The following GRM1 variants were observed in gnomAD, a reference collection of about 807,000 sequenced individuals.
The protein encoded by GRM1 is metabotropic glutamate receptor 1.
GRM1 carries 33 observed loss-of-function variants against 90.9 expected under a neutral mutation model. That is an observed-to-expected ratio of 0.36 (90% CI 0.28 to 0.49). The LOEUF (loss-of-function observed/expected upper bound fraction) is 0.49, where lower values mean the gene tolerates loss of function less well. Ranked by LOEUF, GRM1 falls within the 20% of genes least tolerant of loss-of-function variation. GRM1 has a pLI of 0.99. For synonymous variants in GRM1, 700 were observed against 613.2 expected (o/e 1.14, Z -2.09); for missense variants, 1,190 against 1,534.3 (o/e 0.78, Z 3.75).
rs560926934 is a variant in GRM1 at position 146,231,845 on chromosome 6, A to T, written c.950+72248A>T. ...TAATTTATTGAGGTTTTACATCTATATTCATGAGGGAAATAGGTCTGAAAT... is the reference window on the plus strand; with the variant it reads ...TAATTTATTGAGGTTTTACATCTATTTTCATGAGGGAAATAGGTCTGAAAT... On this transcript the variant is annotated intron_variant, in intron 2 of 7. Coordinates refer to ENST00000282753, the MANE Select transcript of GRM1 (RefSeq NM_001278064.2). Among the ~76,000 whole-genome samples, 5 of 149,324 alleles carry T rather than the reference A, an allele frequency of 3.3e-5. No individual in the cohort carries two copies. In the East Asian group the frequency reaches 7.8e-4, roughly 23 times the overall value.
intron 1 of GRM1, among the ~76,000 whole-genome samples, chr6:146,064,313 A>C (rs150828809): frequency 4.6e-5 from 7 of 152,328 alleles, no homozygotes; most frequent in African/African-American, 1.7e-4. Context: ...AAGTTGAACA[A>C]TAGAACTATT....
intron 1 of GRM1, among the ~76,000 whole-genome samples, chr6:146,128,327 T>C (rs372326312): frequency 6.6e-6 from 1 of 152,136 alleles, no homozygotes; most frequent in Non-Finnish European, 1.5e-5. Flanking sequence ...TAATAGGATA[T>C]GTTTATCAAG....
chr6:146,103,764 T>A (rs1777128927), intron 1 of GRM1, among the ~76,000 whole-genome samples: 1 of 152,154 alleles, frequency 6.6e-6, no homozygotes, highest in Non-Finnish European at 1.5e-5. Context: ...CATTTACACA[T>A]CCTTCTCAGG....
chr6:146,373,802 C>G (rs189601007), intron 5 of GRM1, among the ~76,000 whole-genome samples: 153 of 152,196 alleles, frequency 1.0e-3, no homozygotes, highest in African/African-American at 3.5e-3. Flanking sequence ...ATCATATCAT[C>G]TACAAACAAG....
At chr6:146,151,330 A>T (rs1463693361) in intron 1 of GRM1, among the ~76,000 whole-genome samples, 1 of 152,250 alleles carries the variant, frequency 6.6e-6, no homozygotes, top group African/African-American at 2.4e-5. Context: ...ATGTGTAAAT[A>T]TGCAGGAATG....
At chr6:146,259,994 G>C (rs961894253) in intron 2 of GRM1, among the ~76,000 whole-genome samples, 2 of 147,740 alleles carry the variant, frequency 1.4e-5, no homozygotes, top group Non-Finnish European at 3.0e-5. Flanking sequence ...ATATATGTTA[G>C]TGACACTATT....
intron 1 of GRM1, among the ~76,000 whole-genome samples, chr6:146,140,379 G>A (rs752957432): frequency 3.3e-5 from 5 of 151,774 alleles, no homozygotes; most frequent in Non-Finnish European, 5.9e-5. Context: ...AGTGATTCTT[G>A]TGCCTTAACC....
At position 146,241,507 on chromosome 6, in the gene GRM1, A is replaced by G. The variant is rs561761447; in HGVS notation, c.951-63104A>G. Reference sequence around the variant, plus strand: ...ATGATACATGTATTTATTTTTGTAAATGATGGTCTCCATACACTCAGCACT... The same window carrying G: ...ATGATACATGTATTTATTTTTGTAAGTGATGGTCTCCATACACTCAGCACT... On this transcript the variant is annotated intron_variant, in intron 2 of 7. Coordinates refer to ENST00000282753, the MANE Select transcript of GRM1 (RefSeq NM_001278064.2). 2.6e-5 allele frequency among the ~76,000 whole-genome samples: 4 copies of G among 152,196 alleles called. No homozygotes were observed. In the East Asian group the frequency reaches 7.7e-4, roughly 29 times the overall value.
intron 5 of GRM1, among the ~76,000 whole-genome samples, chr6:146,362,563 C>T (rs925210419): frequency 2.7e-5 from 4 of 147,602 alleles, no homozygotes; most frequent in Non-Finnish European, 5.9e-5. Flanking sequence ...CCTGTAATCA[C>T]AGCTACTCAG....
rs576952397 is a variant in GRM1, at chr6:146,130,877, T to A, written c.701-28471T>A. ...ATGCACGAAAATTTATCTACCATCA[T>A]GAGTCTTCAACCTTCTTTGTTAAGT... On this transcript the variant is annotated intron_variant, in intron 1 of 7. Coordinates refer to ENST00000282753, the MANE Select transcript of GRM1 (RefSeq NM_001278064.2). Among the ~76,000 whole-genome samples the A allele has an allele frequency of 4.8e-4, 73 of 152,310 alleles. 1 individual carries two copies. In the South Asian group the frequency reaches 0.014, roughly 29 times the overall value.
chr6:146,383,641 T>C (rs1776398606), intron 5 of GRM1, among the ~76,000 whole-genome samples: 1 of 152,152 alleles, frequency 6.6e-6, no homozygotes, highest in South Asian at 2.1e-4. Flanking sequence ...GCTGAAAATA[T>C]TCTGTCATTT....
intron 2 of GRM1, among the ~76,000 whole-genome samples, chr6:146,215,995 G>T (rs1779858772): frequency 6.6e-6 from 1 of 152,090 alleles, no homozygotes; most frequent in Non-Finnish European, 1.5e-5. Flanking sequence ...CTGAACTTAT[G>T]GTCTGCCCGC....
rs147398382 is a variant in GRM1, at chr6:146,143,535, G to T, written c.701-15813G>T. 3.8e-3 allele frequency among the ~76,000 whole-genome samples: 580 copies of T among 152,280 alleles called. 4 individuals carry two copies. The highest frequency in any genetic ancestry group is 0.013 in the African/African-American group (552 of 41,562). On this transcript the variant is annotated intron_variant, in intron 1 of 7. Transcript: ENST00000282753. ...AAGTGGTCTGGTTTTGTCATATGTTGGGTGTTTCTGCAGGGCAGTATCTTG... is the reference window on the plus strand; with the variant it reads ...AAGTGGTCTGGTTTTGTCATATGTTTGGTGTTTCTGCAGGGCAGTATCTTG...
chr6:146,092,154 A>G (rs1420676189), intron 1 of GRM1, among the ~76,000 whole-genome samples: 5 of 152,120 alleles, frequency 3.3e-5, no homozygotes, highest in Non-Finnish European at 5.9e-5. Context: ...TTCCAAGATC[A>G]AGGCTCCAGC....
At chr6:146,262,397 A>G (rs1200424286) in intron 2 of GRM1, among the ~76,000 whole-genome samples, 1 of 152,050 alleles carries the variant, frequency 6.6e-6, no homozygotes, top group Non-Finnish European at 1.5e-5. Flanking sequence ...AAATTAAACT[A>G]TATGTGTGTG....
chr6:146,242,516 C>G (rs192529169), intron 2 of GRM1, among the ~76,000 whole-genome samples: 1 of 152,124 alleles, frequency 6.6e-6, no homozygotes, highest in Admixed American at 6.6e-5. Context: ...ACATGCCACC[C>G]ACCCAGATTC....
chr6:146,308,092 G>A (rs1783643129), intron 3 of GRM1, among the ~76,000 whole-genome samples: 1 of 152,178 alleles, frequency 6.6e-6, no homozygotes. Flanking sequence ...TGTCTTAGCT[G>A]CTTAAAAGAT....
At chr6:146,069,374 T>G (rs973701694) in intron 1 of GRM1, among the ~76,000 whole-genome samples, 1 of 152,174 alleles carries the variant, frequency 6.6e-6, no homozygotes, top group Non-Finnish European at 1.5e-5. Flanking sequence ...TTTCAAAAAA[T>G]CTTCTAAAGT....
At chr6:146,204,917 T>G (rs975036051) in intron 2 of GRM1, among the ~76,000 whole-genome samples, 1 of 152,048 alleles carries the variant, frequency 6.6e-6, no homozygotes, top group Admixed American at 6.6e-5. Context: ...TTAAGATATA[T>G]CCTCACATTC....
Sources: gnomAD v4.1 joint callset for allele counts (sites outside exome capture counted in the v4.1 genomes callset) on GRCh38, gnomAD v4.1.1 for gene constraint, MANE v1.5 for transcripts, NCBI Gene and HGNC (gene_info 2026-07-23, HGNC 2026-07-21) for gene names.